Variants in TMCC1 observed in about 807,000 individuals in gnomAD.
TMCC1 encodes transmembrane and coiled-coil domains protein 1.
A neutral mutation model predicts 52.4 loss-of-function variants in TMCC1; 15 were observed. The ratio of observed to expected loss-of-function variants is 0.29; its 90% CI spans 0.19 to 0.44. TMCC1 has a LOEUF of 0.44. Among genes scored for constraint, TMCC1 ranks in the 20% least tolerant of loss-of-function variants. TMCC1 has a pLI of 1.00. For missense variants in TMCC1, 503 were observed against 806.0 expected (o/e 0.62, Z 4.55); for synonymous variants, 279 against 301.9 (o/e 0.92, Z 0.79).
chr3:129,721,159 GC>G (rs1273483853), intron 4 of TMCC1, among the ~76,000 whole-genome samples: 1 of 152,094 alleles, frequency 6.6e-6, no homozygotes, highest in African/African-American at 2.4e-5. Context: ...GAAAACTCCT[GC>G]AGTTATTCTG....
chr3:129,844,127 G>C (rs1240421045), intron 2 of TMCC1, among the ~76,000 whole-genome samples: 2 of 152,076 alleles, frequency 1.3e-5, no homozygotes, highest in African/African-American at 4.8e-5. Context: ...AAAACCATGT[G>C]ATCATAACAA....
intron 4 of TMCC1, among the ~76,000 whole-genome samples, chr3:129,694,537 A>T (rs533476327): frequency 2.6e-5 from 4 of 152,352 alleles, no homozygotes; most frequent in Non-Finnish European, 5.9e-5. Context: ...CATGAGATAC[A>T]GGTCATAAAG....
chr3:129,804,569 C>T (rs2057361609), intron 4 of TMCC1, among the ~76,000 whole-genome samples: 1 of 152,202 alleles, frequency 6.6e-6, no homozygotes, highest in Non-Finnish European at 1.5e-5. Context: ...GAAAATTATA[C>T]ACAGAGTAAA....
chr3:129,754,583 T>C (rs1475663145), intron 4 of TMCC1, among the ~76,000 whole-genome samples: 2 of 152,210 alleles, frequency 1.3e-5, no homozygotes, highest in African/African-American at 2.4e-5. Context: ...ACTGCATTTT[T>C]ACAAAGGTGC....
At chr3:129,797,591 A>G (rs758109536) in intron 4 of TMCC1, among the ~76,000 whole-genome samples, 31 of 151,986 alleles carry the variant, frequency 2.0e-4, no homozygotes, top group Non-Finnish European at 7.4e-5. Context: ...AAAACACACA[A>G]AAAATTAGCT....
At chr3:129,746,420 C>G (rs2051978305) in intron 4 of TMCC1, among the ~76,000 whole-genome samples, 1 of 151,838 alleles carries the variant, frequency 6.6e-6, no homozygotes, top group Non-Finnish European at 1.5e-5. Flanking sequence ...ACCTCGTGAT[C>G]CGCCCGCCTC....
intron 4 of TMCC1, among the ~76,000 whole-genome samples, chr3:129,715,676 T>C (rs1487906837): frequency 1.3e-5 from 2 of 152,230 alleles, no homozygotes; most frequent in Admixed American, 6.5e-5. Flanking sequence ...TCTAGTTCTC[T>C]GTACTTCTAA....
intron 4 of TMCC1, among the ~76,000 whole-genome samples, chr3:129,707,283 G>A (rs1023861008): frequency 6.6e-6 from 1 of 151,986 alleles, no homozygotes; most frequent in Non-Finnish European, 1.5e-5. Flanking sequence ...TCAAATACAT[G>A]CTTATATTAA....
At chr3:129,861,375 G>A (rs964709509) in intron 2 of TMCC1, among the ~76,000 whole-genome samples, 2 of 152,090 alleles carry the variant, frequency 1.3e-5, no homozygotes, top group African/African-American at 2.4e-5. Flanking sequence ...AGGAGGCAGA[G>A]GTTTCAGTGA....
At chr3:129,696,503 C>T (rs893432971) in intron 4 of TMCC1, among the ~76,000 whole-genome samples, 2 of 152,186 alleles carry the variant, frequency 1.3e-5, no homozygotes, top group African/African-American at 4.8e-5. Flanking sequence ...GGGCCATGGT[C>T]ACTCATATTT....
intron 2 of TMCC1, among the ~76,000 whole-genome samples, chr3:129,874,392 T>TA (rs1345958086): frequency 6.6e-6 from 1 of 152,214 alleles, no homozygotes; most frequent in Non-Finnish European, 1.5e-5. Flanking sequence ...AGCTGCCACT[T>TA]ACGGCATCTA....
At chr3:129,880,940 T>C (rs1181244860) in intron 1 of TMCC1, among the ~76,000 whole-genome samples, 3 of 151,374 alleles carry the variant, frequency 2.0e-5, no homozygotes, top group Middle Eastern at 3.2e-3. Context: ...CTTGGCTCAC[T>C]GCAACCTCCA....
At chr3:129,863,815 T>A (rs1320838416) in intron 2 of TMCC1, among the ~76,000 whole-genome samples, 1 of 151,782 alleles carries the variant, frequency 6.6e-6, no homozygotes, top group Non-Finnish European at 1.5e-5. Context: ...TGAGCCAAGA[T>A]CGTGCCACTG....
intron 2 of TMCC1, among the ~76,000 whole-genome samples, chr3:129,833,302 G>A (rs2059005342): frequency 6.6e-6 from 1 of 152,006 alleles, no homozygotes; most frequent in Non-Finnish European, 1.5e-5. Flanking sequence ...TCTTAGGCCA[G>A]GCATGATGGC....
chr3:129,666,959 T>C (rs192480899), intron 5 of TMCC1, among the ~76,000 whole-genome samples: 150 of 151,550 alleles, frequency 9.9e-4, no homozygotes, highest in African/African-American at 3.4e-3. Flanking sequence ...TGGAGTGCAG[T>C]GGCATGATCT....
chr3:129,799,165 T>C (rs1319243470), intron 4 of TMCC1, among the ~76,000 whole-genome samples: 1 of 152,136 alleles, frequency 6.6e-6, no homozygotes, highest in African/African-American at 2.4e-5. Context: ...CCTTGCCAAA[T>C]AAGGTCTTTA....
intron 2 of TMCC1, among the ~76,000 whole-genome samples, chr3:129,870,759 CAAAAAAAAAAAAAA>C (rs61673201): frequency 9.4e-5 from 1 of 10,676 alleles, no homozygotes; most frequent in African/African-American, 1.8e-4. Flanking sequence ...GACTCCATCT[CAAAAAAAAAAAAAA>C]AAAAAAAAAG....
At chr3:129,675,655 A>G (rs2088358825) in intron 4 of TMCC1, among the ~76,000 whole-genome samples, 2 of 152,232 alleles carry the variant, frequency 1.3e-5, no homozygotes, top group South Asian at 4.1e-4. Flanking sequence ...ATGTAATTCA[A>G]CATTACAATA....
chr3:129,791,528 T>C (rs2056463134), intron 4 of TMCC1, among the ~76,000 whole-genome samples: 1 of 152,218 alleles, frequency 6.6e-6, no homozygotes, highest in African/African-American at 2.4e-5. Context: ...TTTCTTTTAA[T>C]GATAAAAAAC....
Sources: gnomAD v4.1 joint callset for allele counts (sites outside exome capture counted in the v4.1 genomes callset) on GRCh38, gnomAD v4.1.1 for gene constraint, MANE v1.5 for transcripts, NCBI Gene and HGNC (gene_info 2026-07-23, HGNC 2026-07-21) for gene names.